Variants in ADAMTS14 observed in about 807,000 individuals in gnomAD.
The protein encoded by ADAMTS14 is A disintegrin and metalloproteinase with thrombospondin motifs 14.
A neutral mutation model predicts 128.6 loss-of-function variants in ADAMTS14; 100 were observed. That is an observed-to-expected ratio of 0.78 (90% confidence interval 0.66 to 0.92). The LOEUF (loss-of-function observed/expected upper bound fraction) is 0.92, where lower values mean the gene tolerates loss of function less well. ADAMTS14 is among the 40% of genes least tolerant of loss of function. The pLI is 0.00. For missense variants in ADAMTS14, 1,562 were observed against 1,658.6 expected (o/e 0.94, Z 1.01); for synonymous variants, 665 against 653.8 (o/e 1.02, Z -0.26).
chr10:70,749,860 C>G lies in ADAMTS14; in HGVS notation c.2302C>G (p.Pro768Ala), dbSNP rs138102029. 6.2e-7 allele frequency: 1 copy of G among 1,614,052 alleles called. No homozygotes were observed. Among genetic ancestry groups the G allele is most frequent in the South Asian group, 1.1e-5 (1 of 91,080 alleles). Residue 768 changes from proline (P) to alanine (A), a missense_variant, in exon 16 of 22, where the codon CCC (proline) becomes GCC (alanine). Pro to Ala is a conservative substitution (Grantham distance 27, BLOSUM62 -1). Transcript: ENST00000373207. ...NQVTGSFILN[P>A]KGKEATSRTF... is the part of the protein sequence containing the mutation. ...GGTCACCGGCAGCTTCATCCTCAAC[C>G]CCAAGGGCAAGGAAGCCACAAGCCG...
intron 10 of ADAMTS14, 86 bp from the exon 11 acceptor site, chr10:70,738,756 T>C (rs1440885520): frequency 1.9e-6 from 3 of 1,584,608 alleles, no homozygotes; most frequent in Admixed American, 3.4e-5. Flanking sequence ...CCCAGGCTCA[T>C]GCTCTTGCTA....
At chr10:70,719,589 A>AAAT (rs1841183890) in intron 4 of ADAMTS14, among the ~76,000 whole-genome samples, 1 of 151,692 alleles carries the variant, frequency 6.6e-6, no homozygotes. Flanking sequence ...TTTTTTTAAA[A>AAAT]AATAGACAAG....
At chr10:70,760,322 A>G in intron 21 of ADAMTS14, 38 bp from the exon 22 acceptor site, 1 of 1,506,960 alleles carries the variant, frequency 6.6e-7, no homozygotes, top group Non-Finnish European at 8.8e-7. Flanking sequence ...AGGCATCCCC[A>G]CGTTGCTTCC....
chr10:70,732,026 C>A (rs1841655796), intron 6 of ADAMTS14, among the ~76,000 whole-genome samples: 3 of 152,066 alleles, frequency 2.0e-5, no homozygotes, highest in African/African-American at 7.3e-5. Context: ...CGCTGATAAA[C>A]CCTGGGAAAC....
In ADAMTS14 at chr10:70,674,811, TCG is replaced by T. The variant is rs773117486; in HGVS notation, c.339_340del (p.Phe113LeufsTer59). ...TCCCTCTACTTCAATGTCACTGTTT[TCG>T]GGAAGGAACTGCACTTGCGCCTGCG... On this transcript the variant is annotated frameshift_variant, in exon 2 of 22. Transcript: ENST00000373207. LOFTEE classifies it high-confidence loss of function. The T allele has an allele frequency of 9.3e-6, 15 of 1,613,706 alleles. No homozygotes were observed. The highest frequency in any genetic ancestry group is 3.3e-4 in the Middle Eastern group (2 of 6,084).
chr10:70,718,733 G>T (rs1345079934), intron 4 of ADAMTS14, among the ~76,000 whole-genome samples: 1 of 151,354 alleles, frequency 6.6e-6, no homozygotes, highest in Admixed American at 6.6e-5. Flanking sequence ...CCAGGCAGGA[G>T]CGCAGTGGTG....
chr10:70,752,342 C>G, intron 18 of ADAMTS14, 115 bp downstream of exon 18: 1 of 1,411,800 alleles, frequency 7.1e-7, no homozygotes, highest in East Asian at 2.5e-5. Context: ...CACGACCATA[C>G]AGGCAACACA....
At chr10:70,678,676 C>T in intron 2 of ADAMTS14, among the ~76,000 whole-genome samples, 1 of 152,078 alleles carries the variant, frequency 6.6e-6, no homozygotes, top group Admixed American at 6.5e-5. Context: ...GTAGGTTGCT[C>T]TCTTGAAGAG....
chr10:70,725,125 T>C (rs1430711710), intron 4 of ADAMTS14, among the ~76,000 whole-genome samples: 2 of 152,198 alleles, frequency 1.3e-5, no homozygotes, highest in African/African-American at 4.8e-5. Flanking sequence ...GTTTTCCGTT[T>C]GGTGAGTGAT....
Position 70,708,781 on chromosome 10 carries a change from G to A in ADAMTS14, c.870+3G>A, listed in dbSNP as rs78952979. The A allele has an allele frequency of 9.5e-4, 1,351 of 1,417,404 alleles. 6 individuals carry two copies. The highest frequency in any genetic ancestry group is 9.0e-3 in the African/African-American group (622 of 69,172). The allele number at this position is 1,417,404 out of a possible 1,614,324, so 87.8% of individuals were successfully genotyped here. ...ATGTCCTCACCCTCATGAATATCGT[G>A]AGTGTCCATGTGTCCTAGGACTTGG... On this transcript the variant is annotated splice_donor_region_variant and intron_variant, in intron 4 of 21. Transcript: ENST00000373207.
rs183482365 is a variant in ADAMTS14 at position 70,761,829 on chromosome 10, T to C, written c.*976T>C. ...CGGACATCTTCATCTTCTACCTGGC[T>C]CAAGCTGGGCCAGAGTGTGTGGTTC... On this transcript the variant is annotated 3_prime_UTR_variant, in exon 22 of 22. Coordinates refer to ENST00000373207, the MANE Select transcript of ADAMTS14 (RefSeq NM_080722.4). The C allele has an allele frequency of 9.2e-5, 14 of 152,378 alleles. No individual in the cohort carries two copies. Among genetic ancestry groups the C allele is most frequent in the Admixed American group, 5.9e-4 (9 of 15,310 alleles). 9.4% of individuals were successfully genotyped at this position (152,378 alleles called of 1,614,324 possible).
chr10:70,702,365 GGGCCAGCAGGAGAAGGA>G lies in ADAMTS14; in HGVS notation c.584_600del (p.Gln195ArgfsTer20), dbSNP rs1227101080. 6.2e-7 allele frequency: 1 copy of G among 1,614,182 alleles called. No individual in the cohort carries two copies. Among genetic ancestry groups the G allele is most frequent in the African/African-American group, 1.3e-5 (1 of 75,068 alleles). ...ACTTCTTCATTGAGCCTCTGGAGCGGGGCCAGCAGGAGAAGGAGGCCAGCGGGAGGACACATGTGGTG... is the reference window on the plus strand; with the variant it reads ...ACTTCTTCATTGAGCCTCTGGAGCGGGGCCAGCGGGAGGACACATGTGGTG... On this transcript the variant is annotated frameshift_variant, in exon 3 of 22. Coordinates refer to ENST00000373207, the MANE Select transcript of ADAMTS14 (RefSeq NM_080722.4). LOFTEE classifies it high-confidence loss of function.
intron 15 of ADAMTS14, among the ~76,000 whole-genome samples, chr10:70,748,149 T>C (rs1292802849): frequency 1.3e-5 from 2 of 152,184 alleles, no homozygotes; most frequent in African/African-American, 4.8e-5. Flanking sequence ...AATATTGTTT[T>C]CCCGCTTTGC....
intron 4 of ADAMTS14, among the ~76,000 whole-genome samples, chr10:70,727,430 G>A (rs569199339): frequency 6.6e-6 from 1 of 152,370 alleles, no homozygotes; most frequent in South Asian, 2.1e-4. Context: ...GATGGAAGTA[G>A]TGAGAGCAAG....
intron 2 of ADAMTS14, among the ~76,000 whole-genome samples, chr10:70,677,726 C>T (rs926549852): frequency 5.3e-5 from 8 of 152,182 alleles, no homozygotes; most frequent in Admixed American, 1.3e-4. Context: ...TCCCTGACTG[C>T]CTTCCACTGG....
Position 70,761,800 on chromosome 10 carries a change from G to T in ADAMTS14, c.*947G>T, listed in dbSNP as rs1285264945. 1 of 152,270 alleles carries T rather than the reference G, an allele frequency of 6.6e-6. No individual in the cohort carries two copies. The highest frequency in any genetic ancestry group is 1.9e-4 in the East Asian group (1 of 5,188). The allele number at this position is 152,270 out of a possible 1,614,324, so 9.4% of individuals were successfully genotyped here. On this transcript the variant is annotated 3_prime_UTR_variant, in exon 22 of 22. Transcript: ENST00000373207. ...CCTTCTCCGAAGATCGCTCCTGCTGGAGTCGGACATCTTCATCTTCTACCT... is the reference window on the plus strand; with the variant it reads ...CCTTCTCCGAAGATCGCTCCTGCTGTAGTCGGACATCTTCATCTTCTACCT...
At chr10:70,740,485 T>C (rs1841961737) in intron 11 of ADAMTS14, among the ~76,000 whole-genome samples, 1 of 152,210 alleles carries the variant, frequency 6.6e-6, no homozygotes, top group African/African-American at 2.4e-5. Flanking sequence ...CTGGCCAAGG[T>C]TGCACTGTCA....
At chr10:70,698,633 A>G (rs968716976) in intron 2 of ADAMTS14, among the ~76,000 whole-genome samples, 4 of 152,198 alleles carry the variant, frequency 2.6e-5, no homozygotes, top group Non-Finnish European at 5.9e-5. Flanking sequence ...GATGCACGCA[A>G]TGGGACAAGG....
At position 70,694,745 on chromosome 10, in the gene ADAMTS14, T is replaced by C. The variant is rs1476906201; in HGVS notation, c.523-7567T>C. 2.6e-5 allele frequency among the ~76,000 whole-genome samples: 4 copies of C among 152,210 alleles called. No individual in the cohort carries two copies. The East Asian group carries it at 7.7e-4, about 29-fold the overall frequency. On this transcript the variant is annotated intron_variant, in intron 2 of 21. Transcript: ENST00000373207. ...TTTCTACGGCAAAATAATATTTCAT[T>C]GTATGGCTATATATATATAGTTTGT...
Sources: gnomAD v4.1 joint callset for allele counts (sites outside exome capture counted in the v4.1 genomes callset) on GRCh38, gnomAD v4.1.1 for gene constraint, MANE v1.5 for transcripts, NCBI Gene and HGNC (gene_info 2026-07-23, HGNC 2026-07-21) for gene names.